The following HRNR variants were observed in gnomAD, a reference collection of about 807,000 sequenced individuals.
HRNR encodes the protein hornerin, also known as filaggrin family member 3.
In HRNR, 7 loss-of-function variants were observed where a neutral mutation model predicts 4.8. That is an observed-to-expected ratio of 1.47 (90% CI 0.83 to 2.75). The LOEUF is 2.75. Among genes scored for constraint, HRNR ranks in the 30% most tolerant of loss-of-function variants. The pLI, the probability that HRNR is intolerant of heterozygous loss-of-function variation, is 0.00. For synonymous variants in HRNR, 1,023 were observed against 1,242.7 expected (o/e 0.82, Z 3.72); for missense variants, 2,879 against 3,010.4 (o/e 0.96, Z 1.02).
In HRNR at chr1:152,213,026, T is replaced by A. The variant is rs1648443642; in HGVS notation, c.*50A>T. On this transcript the variant is annotated 3_prime_UTR_variant, in exon 3 of 3. Coordinates refer to ENST00000368801, the MANE Select transcript of HRNR (RefSeq NM_001009931.3). ...TTTCATGATGAATTCATAGATGACT[T>A]TCCTATTTCTTAAATTGCTACTTGA... The A allele has an allele frequency of 6.4e-7, 1 of 1,567,322 alleles. No individual in the cohort carries two copies. The highest frequency in any genetic ancestry group is 1.4e-5 in the African/African-American group (1 of 73,416).
intron 1 of HRNR, among the ~76,000 whole-genome samples, chr1:152,223,494 T>C (rs1649070124): frequency 6.6e-6 from 1 of 152,234 alleles, no homozygotes; most frequent in Admixed American, 6.5e-5. Context: ...TAGGTCTTAT[T>C]TCCATTCCTG....
rs548555050 is a variant in HRNR at position 152,218,604 on chromosome 1, G to T, written c.3025C>A (p.Pro1009Thr). ...CCAGACCCATGTCGGCCACGGCTAG[G>T]GCTAGGAGACTGGCCAGATCCAGAC... Reference protein sequence around the residue: ...HGSGSGQSPSPSRGRHGSGSG... With the variant: ...HGSGSGQSPSTSRGRHGSGSG... Residue 1009 changes from proline to threonine, a missense_variant, in exon 3 of 3, where the codon CCT becomes ACT. This residue lies in a region of HRNR where 2,646 missense variants were observed against 1,377.7 expected (regional missense o/e 1.92). Coordinates refer to ENST00000368801, the MANE Select transcript of HRNR (RefSeq NM_001009931.3). The T allele has an allele frequency of 5.1e-5, 82 of 1,612,570 alleles. 3 individuals carry two copies. In the East Asian group the frequency reaches 1.6e-3, roughly 32 times the overall value.
At position 152,212,260 on chromosome 1, in the gene HRNR, G is replaced by A. The variant is rs1322586940; in HGVS notation, c.*816C>T. ...AAACGTTATTGAACTACAGTAGTAG[G>A]TGGAAAGCATTGTATTTCCATGGAA... On this transcript the variant is annotated 3_prime_UTR_variant, in exon 3 of 3. Transcript: ENST00000368801. The A allele has an allele frequency of 2.0e-5, 3 of 152,124 alleles. No individual in the cohort carries two copies. The South Asian group carries it at 6.2e-4, about 32-fold the overall frequency. 9.4% of individuals were successfully genotyped at this position (152,124 alleles called of 1,614,324 possible). A position where few individuals can be genotyped will look rare whatever the true frequency, so the allele number is the denominator to read the frequency against.
chr1:152,219,801 G>C lies in HRNR; in HGVS notation c.1828C>G (p.His610Asp). The change falls in exon 3 of 3, where the codon CAT (histidine) becomes GAT (aspartate). Residue 610 changes from histidine to aspartate, a missense_variant. By Grantham distance (81) the His-to-Asp change is moderately conservative. This residue lies in a region of HRNR where 2,646 missense variants were observed against 1,377.7 expected (regional missense o/e 1.92). Transcript: ENST00000368801. ...HGSSSGHSST[H>D]GQHGSTSGQS... ...CCTGATGTAGAACCATGTTGCCCATGGGTAGAGGAATGACCCGAGCTAGAT... is the reference window on the plus strand; with the variant it reads ...CCTGATGTAGAACCATGTTGCCCATCGGTAGAGGAATGACCCGAGCTAGAT... 2.5e-6 allele frequency: 4 copies of C among 1,612,146 alleles called. No individual in the cohort carries two copies. The highest frequency in any genetic ancestry group is 2.5e-6 in the Non-Finnish European group (3 of 1,178,728).
At position 152,218,457 on chromosome 1, in the gene HRNR, C is replaced by T. The variant is rs574683237; in HGVS notation, c.3172G>A (p.Gly1058Arg). Residue 1058 changes from glycine to arginine, a missense_variant, in exon 3 of 3, where the codon GGA becomes AGA. Transcript: ENST00000368801. Reference protein sequence around the residue: ...SGLGHRESRSGQSSGYGQHGS... With the variant: ...SGLGHRESRSRQSSGYGQHGS... ...TGTTGACCGTAGCCAGAGGACTGTC[C>T]TGAGCGAGACTCTCGGTGACCTAAG... The T allele has an allele frequency of 1.9e-6, 3 of 1,613,792 alleles. No homozygotes were observed. Among genetic ancestry groups the T allele is most frequent in the South Asian group, 1.1e-5 (1 of 91,054 alleles).
chr1:152,220,032 G>A lies in HRNR; in HGVS notation c.1597C>T (p.His533Tyr), dbSNP rs1648891557. The A allele has an allele frequency of 6.2e-7, 1 of 1,613,946 alleles. No individual in the cohort carries two copies. Among genetic ancestry groups the A allele is most frequent in the Non-Finnish European group, 8.5e-7 (1 of 1,180,010 alleles). Residue 533 changes from histidine (H) to tyrosine (Y), a missense_variant, in exon 3 of 3, where the codon CAT becomes TAT. This residue lies in a region of HRNR where 2,646 missense variants were observed against 1,377.7 expected (regional missense o/e 1.92). Transcript: ENST00000368801. ...GSRQSLGHSR[H>Y]GSGSGQSPSP... is the part of the protein sequence containing the mutation. ...GGAGACTGGCCAGATCCAGACCCAT[G>A]TCGGCTGTGTCCCAAAGATTGACGG...
At position 152,213,279 on chromosome 1, in the gene HRNR, TG is replaced by T; in HGVS notation, c.8349del (p.Ser2784AlafsTer69). 5.3e-6 allele frequency: 8 copies of T among 1,519,586 alleles called. No homozygotes were observed. The highest frequency in any genetic ancestry group is 1.4e-5 in the African/African-American group (1 of 69,256). The allele number at this position is 1,519,586 out of a possible 1,614,324, so 94.1% of individuals were successfully genotyped here. On this transcript the variant is annotated frameshift_variant, in exon 3 of 3. Coordinates refer to ENST00000368801, the MANE Select transcript of HRNR (RefSeq NM_001009931.3). LOFTEE classifies it low-confidence loss of function (END_TRUNC). Reference protein sequence around the residue: ...GRHGSGSGQSSSYGQHGSGSG... With the variant: ...GRHGSGSGQSXSYGQHGSGSG... ...GAGCCAGACCCATGTTGGCCGTAGC[TG>T]GAAGACTGCCCTGAACCAGACCCGT...
intron 1 of HRNR, 104 bp downstream of exon 1, chr1:152,224,039 A>G (rs1279834924): frequency 2.0e-5 from 3 of 152,166 alleles, no homozygotes; most frequent in African/African-American, 7.2e-5. Context: ...GAGTATACTA[A>G]AAAGAAGCCT....
At chr1:152,222,389 A>G (rs1649028726) in intron 2 of HRNR, among the ~76,000 whole-genome samples, 1 of 152,166 alleles carries the variant, frequency 6.6e-6, no homozygotes, top group Non-Finnish European at 1.5e-5. Flanking sequence ...GAGTGAAATG[A>G]TTATATTTGC....
At position 152,219,158 on chromosome 1, in the gene HRNR, G is replaced by C; in HGVS notation, c.2471C>G (p.Ser824Ter). Residue 824 changes from serine (S) to a stop codon, truncating the protein, a stop_gained, in exon 3 of 3, where the codon TCA becomes TGA. Transcript: ENST00000368801. LOFTEE classifies it low-confidence loss of function (END_TRUNC). ...ACCATGCTGACTATAGCCCTGTCCT[G>C]AGCCAGACTCGTGTTGCCCAAAACC... ...ASGFGQHESG[S>*]GQGYSQHGSA... 6.2e-7 allele frequency: 1 copy of C among 1,613,572 alleles called. No individual in the cohort carries two copies. Among genetic ancestry groups the C allele is most frequent in the Non-Finnish European group, 8.5e-7 (1 of 1,179,942 alleles).
Position 152,219,900 on chromosome 1 carries a change from C to G in HRNR, c.1729G>C (p.Gly577Arg), listed in dbSNP as rs145780203. 2.5e-6 allele frequency: 4 copies of G among 1,613,736 alleles called. No homozygotes were observed. The South Asian group carries it at 3.3e-5, about 13-fold the overall frequency. ...CCTAAGCCAGAAGAGTGACCGGAGC[C>G]AGACTCATATGGGCCACGGCTTGAA... ...RSSSRGPYES[G>R]SGHSSGLGHQ... The change falls in exon 3 of 3, where the codon GGC becomes CGC. Residue 577 changes from glycine (G) to arginine (R), a missense_variant. Gly to Arg is a moderately radical substitution (Grantham distance 125). Transcript: ENST00000368801.
rs372975241 is a variant in HRNR at position 152,219,143 on chromosome 1, C to G, written c.2486G>C (p.Ser829Thr). Residue 829 changes from serine (S) to threonine (T), a missense_variant, in exon 3 of 3, where the codon AGT becomes ACT. Transcript: ENST00000368801. ...QHESGSGQGY[S>T]QHGSASGHFS... ...GTGACCTGAGGCAGAACCATGCTGA[C>G]TATAGCCCTGTCCTGAGCCAGACTC... The G allele has an allele frequency of 2.7e-5, 43 of 1,613,800 alleles. No individual in the cohort carries two copies. Among genetic ancestry groups the G allele is most frequent in the Non-Finnish European group, 3.4e-5 (40 of 1,180,006 alleles).
Position 152,213,472 on chromosome 1 carries a change from G to C in HRNR, c.8157C>G (p.Ser2719Arg). The C allele has an allele frequency of 7.2e-7, 1 of 1,391,014 alleles. No individual in the cohort carries two copies. Among genetic ancestry groups the C allele is most frequent in the South Asian group, 1.1e-5 (1 of 87,078 alleles). The allele number at this position is 1,391,014 out of a possible 1,614,324, so 86.2% of individuals were successfully genotyped here. A position where few individuals can be genotyped will look rare whatever the true frequency, so the allele number is the denominator to read the frequency against. ...QHGSGSGHFC[S>R]QGQHGSTSGQ... ...CTGATGTAGAACCATGCTGTCCTTG[G>C]CTACAGAAGTGCCCTGAGCCACTAC... Residue 2719 changes from serine (S) to arginine (R), a missense_variant, in exon 3 of 3, where the codon AGC becomes AGG. Physicochemically the swap from Ser to Arg is moderately radical, Grantham distance 110. Around this residue, in one of 8 missense-constraint regions of HRNR, gnomAD observed 20 missense variants for 61.1 expected, o/e 0.33. Coordinates refer to ENST00000368801, the MANE Select transcript of HRNR (RefSeq NM_001009931.3).
intron 2 of HRNR, among the ~76,000 whole-genome samples, chr1:152,222,859 G>T (rs1649043142): frequency 6.6e-6 from 1 of 152,198 alleles, no homozygotes; most frequent in Non-Finnish European, 1.5e-5. Flanking sequence ...GTCTGGGTTT[G>T]TAGGAATTAG....
In HRNR at chr1:152,221,228, G is replaced by T; in HGVS notation, c.401C>A (p.Ala134Glu). 2 of 1,614,136 alleles carry T rather than the reference G, an allele frequency of 1.2e-6. No homozygotes were observed. Among genetic ancestry groups the T allele is most frequent in the East Asian group, 4.5e-5 (2 of 44,890 alleles). The change falls in exon 3 of 3, where the codon GCA (alanine) becomes GAA (glutamate). Residue 134 changes from alanine (A) to glutamate (E), a missense_variant. Around this residue, in one of 8 missense-constraint regions of HRNR, gnomAD observed 2,646 missense variants for 1,377.7 expected, o/e 1.92. Coordinates refer to ENST00000368801, the MANE Select transcript of HRNR (RefSeq NM_001009931.3). The part of the protein sequence containing the change: ...ESSFSHSSWS[A>E]GENDSYSRNV... ...TCTGGAATAGGAATCATTCTCTCCTGCACTCCAACTTGAATGACTAAAAGA... is the reference window on the plus strand; with the variant it reads ...TCTGGAATAGGAATCATTCTCTCCTTCACTCCAACTTGAATGACTAAAAGA...
rs770212794 is a variant in HRNR, at chr1:152,219,604, G to A, written c.2025C>T (p.Tyr675=). The A allele has an allele frequency of 8.4e-5, 135 of 1,608,432 alleles. No individual in the cohort carries two copies. Among genetic ancestry groups the A allele is most frequent in the Non-Finnish European group, 1.1e-4 (125 of 1,177,054 alleles). Residue 675 remains tyrosine, a synonymous_variant, in exon 3 of 3, where the codon TAC becomes TAT. Transcript: ENST00000368801. ...HGSDFGHSSS[Y]GQHGSGSGWS... Reference sequence around the variant, plus strand: ...AACCGGAGCCAGACCCATGTTGGCCGTAGCTGGAAGAGTGCCCAAAATCGG... The same window carrying A: ...AACCGGAGCCAGACCCATGTTGGCCATAGCTGGAAGAGTGCCCAAAATCGG...
In HRNR at chr1:152,220,819, A is replaced by T. The variant is rs1295939443; in HGVS notation, c.810T>A (p.Gly270=). ...AACCTGAGCTAGATCTGTGTCGTTCACCCCTAGATGACTGTCCTGACCTAG... is the reference window on the plus strand; with the variant it reads ...AACCTGAGCTAGATCTGTGTCGTTCTCCCCTAGATGACTGTCCTGACCTAG... ...HGSRSGQSSR[G]ERHRSSSGSS... Residue 270 remains glycine (G), a synonymous_variant, in exon 3 of 3, where the codon GGT becomes GGA. Coordinates refer to ENST00000368801, the MANE Select transcript of HRNR (RefSeq NM_001009931.3). 1.2e-6 allele frequency: 2 copies of T among 1,613,500 alleles called. No individual in the cohort carries two copies. The highest frequency in any genetic ancestry group is 1.7e-6 in the Non-Finnish European group (2 of 1,179,866).
rs1648917705 is a variant in HRNR at position 152,220,320 on chromosome 1, GA to G, written c.1308del (p.Ser438AlafsTer147). On this transcript the variant is annotated frameshift_variant, in exon 3 of 3. Transcript: ENST00000368801. LOFTEE classifies it low-confidence loss of function (END_TRUNC). The part of the protein sequence containing the change: ...HGQRGSGSGQ[S>X]PSSGQHGTGF... ...CCAGTCCCATGTTGGCCGGAGCTGGGAGACTGCCCTGACCCAGACCCACGCT... is the reference window on the plus strand; with the variant it reads ...CCAGTCCCATGTTGGCCGGAGCTGGGGACTGCCCTGACCCAGACCCACGCT... 1.2e-6 allele frequency: 2 copies of G among 1,613,448 alleles called. No homozygotes were observed. The highest frequency in any genetic ancestry group is 8.5e-7 in the Non-Finnish European group (1 of 1,179,634).
In HRNR at chr1:152,219,232, A is replaced by G. The variant is rs1557844416; in HGVS notation, c.2397T>C (p.Ser799=). ...CATAATGGCCACAGCTGGAAGAACA[A>G]CTTGTGCCAGACCCGTGTTGGCCGT... ...SSHGQHGSGT[S]CSSSCGHYES... is the part of the protein sequence containing the mutation. Residue 799 remains serine (S), a synonymous_variant, in exon 3 of 3, where the codon AGT becomes AGC. Transcript: ENST00000368801. The G allele has an allele frequency of 6.2e-7, 1 of 1,613,044 alleles. No individual in the cohort carries two copies.
Sources: allele counts gnomAD v4.1 joint callset (sites outside exome capture counted in the v4.1 genomes callset), GRCh38; gene constraint gnomAD v4.1.1; regional missense constraint gnomAD v4.1.1; transcripts MANE v1.5; gene names NCBI Gene and HGNC (gene_info 2026-07-23, HGNC 2026-07-21).